Variants in ADGRL3 observed in about 807,000 individuals in gnomAD.
The protein encoded by ADGRL3 is adhesion G protein-coupled receptor L3, also known as calcium-independent alpha-latrotoxin receptor 3.
Under a neutral mutation model 153.5 loss-of-function variants are expected in ADGRL3, and 62 were observed. The ratio of observed to expected loss-of-function variants is 0.40; its 90% CI spans 0.33 to 0.50. ADGRL3 has a LOEUF of 0.50. Among genes scored for constraint, ADGRL3 ranks in the 20% least tolerant of loss-of-function variants. The pLI is 0.47. For synonymous variants in ADGRL3, 710 were observed against 672.5 expected (o/e 1.06, Z -0.86); for missense variants, 1,641 against 1,859.4 (o/e 0.88, Z 2.16).
intron 6 of ADGRL3, among the ~76,000 whole-genome samples, chr4:61,680,632 G>T (rs1386331268): frequency 1.3e-5 from 2 of 151,910 alleles, no homozygotes; most frequent in Non-Finnish European, 2.9e-5. Flanking sequence ...ATTCTTGCAC[G>T]GAATTTTAGG....
At chr4:61,341,408 C>T (rs1482601469) in intron 1 of ADGRL3, among the ~76,000 whole-genome samples, 1 of 151,320 alleles carries the variant, frequency 6.6e-6, no homozygotes, top group Non-Finnish European at 1.5e-5. Flanking sequence ...AAGTATGAAC[C>T]TCGAACCCCT....
intron 25 of ADGRL3, among the ~76,000 whole-genome samples, chr4:62,048,557 G>C (rs540656227): frequency 6.6e-6 from 1 of 151,326 alleles, no homozygotes; most frequent in Admixed American, 6.6e-5. Context: ...CACCACGCCC[G>C]GCTATTTTTA....
intron 1 of ADGRL3, among the ~76,000 whole-genome samples, chr4:61,224,123 G>A (rs184081178): frequency 1.9e-3 from 293 of 151,522 alleles, no homozygotes; most frequent in Non-Finnish European, 3.7e-3. Flanking sequence ...ATACTGTGTG[G>A]GGCCGCAAAA....
At chr4:61,452,263 T>A (rs763843860) in intron 2 of ADGRL3, among the ~76,000 whole-genome samples, 2 of 152,148 alleles carry the variant, frequency 1.3e-5, no homozygotes, top group African/African-American at 2.4e-5. Context: ...TCTTGCAGCC[T>A]CCTGGGGGAA....
Position 61,695,996 on chromosome 4 carries a change from G to T in ADGRL3, c.583+19061G>T, listed in dbSNP as rs565657416. 2.8e-4 allele frequency among the ~76,000 whole-genome samples: 42 copies of T among 152,214 alleles called. No individual in the cohort carries two copies. The South Asian group carries it at 5.6e-3, about 20-fold the overall frequency. On this transcript the variant is annotated intron_variant, in intron 6 of 26. Transcript: ENST00000683033. ...CTTCACAGAAATGAAGAAAGTTAAGGCTTTGCTCTGGATTAGGCTTTGGCT... is the reference window on the plus strand; with the variant it reads ...CTTCACAGAAATGAAGAAAGTTAAGTCTTTGCTCTGGATTAGGCTTTGGCT...
intron 1 of ADGRL3, among the ~76,000 whole-genome samples, chr4:61,260,042 G>A (rs1419924245): frequency 1.3e-5 from 2 of 152,134 alleles, no homozygotes; most frequent in East Asian, 3.9e-4. Flanking sequence ...TATGAGACGT[G>A]TAAGATTAAA....
intron 5 of ADGRL3, among the ~76,000 whole-genome samples, chr4:61,638,036 A>G (rs187942713): frequency 3.8e-4 from 58 of 152,296 alleles, no homozygotes; most frequent in Admixed American, 1.7e-3. Flanking sequence ...TTTGAATCCT[A>G]AGTATTTATC....
In ADGRL3 at chr4:61,517,533, G is replaced by A. The variant is rs1185635894; in HGVS notation, c.259+15G>A. ...TGCAGCGCAAGGTGCGGCCAGCGGT[G>A]GGGAGAGAGGGCTGGGGGTGGCTGG... is the stretch of plus-strand genomic sequence containing the variant. On this transcript the variant is annotated intron_variant, in intron 4 of 26. Transcript: ENST00000683033. The A allele has an allele frequency of 8.6e-6, 6 of 701,746 alleles. No individual in the cohort carries two copies. The highest frequency in any genetic ancestry group is 6.0e-5 in the Admixed American group (3 of 49,984). 43.5% of individuals were successfully genotyped at this position (701,746 alleles called of 1,614,324 possible).
chr4:62,060,230 A>T (rs1739330633), intron 25 of ADGRL3, among the ~76,000 whole-genome samples: 1 of 151,954 alleles, frequency 6.6e-6, no homozygotes. Context: ...AAAAAAATAT[A>T]TATGTATTTA....
intron 21 of ADGRL3, among the ~76,000 whole-genome samples, chr4:62,015,555 G>A (rs1381480111): frequency 6.6e-6 from 1 of 150,968 alleles, no homozygotes; most frequent in African/African-American, 2.4e-5. Context: ...CATCATCACA[G>A]TGCTCTGATT....
chr4:61,706,169 C>T (rs2095854188), intron 6 of ADGRL3, among the ~76,000 whole-genome samples: 1 of 152,032 alleles, frequency 6.6e-6, no homozygotes, highest in Non-Finnish European at 1.5e-5. Context: ...CGCTTGTAAT[C>T]CCAACACTTT....
intron 1 of ADGRL3, among the ~76,000 whole-genome samples, chr4:61,315,028 T>C (rs1201229852): frequency 1.3e-5 from 2 of 152,240 alleles, no homozygotes; most frequent in Non-Finnish European, 2.9e-5. Flanking sequence ...AATCTGTACA[T>C]GGGATCTTGA....
At chr4:61,260,652 A>T (rs2092434580) in intron 1 of ADGRL3, among the ~76,000 whole-genome samples, 1 of 152,204 alleles carries the variant, frequency 6.6e-6, no homozygotes, top group South Asian at 2.1e-4. Context: ...TAGAAATTTG[A>T]CCGTCACTTG....
At chr4:61,893,061 T>TCCTC (rs1282143204) in intron 10 of ADGRL3, 103 bp downstream of exon 10, 6 of 529,366 alleles carry the variant, frequency 1.1e-5, no homozygotes, top group Admixed American at 4.1e-5. Context: ...CTCCCTCCCT[T>TCCTC]CCTCCCTCCC....
intron 1 of ADGRL3, among the ~76,000 whole-genome samples, chr4:61,381,013 T>A (rs909640417): frequency 6.6e-6 from 1 of 151,950 alleles, no homozygotes; most frequent in Non-Finnish European, 1.5e-5. Context: ...TCACACCTGG[T>A]TGCCTTCTCA....
At chr4:61,721,873 A>G (rs1006690367) in intron 6 of ADGRL3, among the ~76,000 whole-genome samples, 17 of 152,362 alleles carry the variant, frequency 1.1e-4, no homozygotes, top group African/African-American at 4.1e-4. Context: ...TCAAATATGA[A>G]TAGAAATTTG....
chr4:61,241,920 C>G (rs1577956220), intron 1 of ADGRL3, among the ~76,000 whole-genome samples: 1 of 152,002 alleles, frequency 6.6e-6, no homozygotes, highest in Admixed American at 6.6e-5. Context: ...CAATTCCTTG[C>G]TTAACTCTTT....
At chr4:61,350,778 A>C (rs1311396647) in intron 1 of ADGRL3, among the ~76,000 whole-genome samples, 1 of 152,094 alleles carries the variant, frequency 6.6e-6, no homozygotes, top group Non-Finnish European at 1.5e-5. Context: ...CTATTCGATA[A>C]ATGTATGCAT....
chr4:61,281,280 T>C (rs2093713826), intron 1 of ADGRL3, among the ~76,000 whole-genome samples: 1 of 152,128 alleles, frequency 6.6e-6, no homozygotes, highest in Non-Finnish European at 1.5e-5. Context: ...CACATCCAGA[T>C]TTTTAGCTTT....
Sources: allele counts gnomAD v4.1 joint callset (sites outside exome capture counted in the v4.1 genomes callset), GRCh38; gene constraint gnomAD v4.1.1; transcripts MANE v1.5; gene names NCBI Gene and HGNC (gene_info 2026-07-23, HGNC 2026-07-21).